The following RNF32 variants were observed in gnomAD, a reference collection of about 807,000 sequenced individuals.
The protein encoded by RNF32 is ring finger protein 32.
In RNF32, 36 loss-of-function variants were observed where a neutral mutation model predicts 41.0. That is an observed-to-expected ratio of 0.88 (90% CI 0.67 to 1.16). The LOEUF (loss-of-function observed/expected upper bound fraction) is 1.16, where lower values mean the gene tolerates loss of function less well. Among genes scored for constraint, RNF32 ranks in the 50% most tolerant of loss-of-function variants. The pLI is 0.00. For missense variants in RNF32, 413 were observed against 436.7 expected (o/e 0.95, Z 0.48); for synonymous variants, 154 against 160.9 (o/e 0.96, Z 0.32).
At chr7:156,650,478 T>C (rs748481148) in intron 3 of RNF32, among the ~76,000 whole-genome samples, 8 of 152,230 alleles carry the variant, frequency 5.3e-5, no homozygotes, top group Non-Finnish European at 7.3e-5. Context: ...AGATGGGTGC[T>C]GGACGTGCTA....
intron 7 of RNF32, among the ~76,000 whole-genome samples, chr7:156,663,796 T>C (rs1016400463): frequency 3.9e-5 from 6 of 152,212 alleles, no homozygotes; most frequent in African/African-American, 1.2e-4. Flanking sequence ...AAAGAAGGTA[T>C]TTCAGACCAG....
intron 7 of RNF32, among the ~76,000 whole-genome samples, chr7:156,662,611 G>A (rs79230578): frequency 0.021 from 3,157 of 151,886 alleles, 101 homozygotes; most frequent in African/African-American, 0.072. Flanking sequence ...GACCTGGGAC[G>A]TTGGTTTTCT....
intron 7 of RNF32, chr7:156,659,873 A>G: frequency 1.0e-6 from 1 of 983,550 alleles, no homozygotes; most frequent in Non-Finnish European, 1.2e-6. Flanking sequence ...AAAGGAAACG[A>G]AAAATAACAA....
intron 7 of RNF32, among the ~76,000 whole-genome samples, chr7:156,660,790 G>C (rs892411328): frequency 6.6e-6 from 1 of 152,222 alleles, no homozygotes; most frequent in Non-Finnish European, 1.5e-5. Flanking sequence ...CCACTCTCAA[G>C]GAGTCCTGAG....
At chr7:156,645,507 C>T (rs901437607) in intron 3 of RNF32, among the ~76,000 whole-genome samples, 2 of 152,198 alleles carry the variant, frequency 1.3e-5, no homozygotes, top group Non-Finnish European at 2.9e-5. Flanking sequence ...AAATGAAGAC[C>T]TAGCAACTGT....
chr7:156,658,922 C>T, intron 7 of RNF32: 1 of 1,543,114 alleles, frequency 6.5e-7, no homozygotes, highest in Non-Finnish European at 8.7e-7. Flanking sequence ...TAAATGAAGA[C>T]ATCTGCTGCA....
rs2302149 is a variant in RNF32, at chr7:156,676,402, C to G, written c.853-17C>G. On this transcript the variant is annotated splice_polypyrimidine_tract_variant and intron_variant, in intron 8 of 8. Coordinates refer to ENST00000317955, the MANE Select transcript of RNF32 (RefSeq NM_030936.4). Reference sequence around the variant, plus strand: ...GAAACTAACCCGCGTGGCCTCTTCCCGTCCTGTGTGCCGCAGGCTCTGCGC... The same window carrying G: ...GAAACTAACCCGCGTGGCCTCTTCCGGTCCTGTGTGCCGCAGGCTCTGCGC... The G allele has an allele frequency of 6.2e-7, 1 of 1,613,746 alleles. No homozygotes were observed. Among genetic ancestry groups the G allele is most frequent in the South Asian group, 1.1e-5 (1 of 91,090 alleles).
chr7:156,660,935 G>A (rs926053833), intron 7 of RNF32, among the ~76,000 whole-genome samples: 8 of 152,222 alleles, frequency 5.3e-5, no homozygotes, highest in Non-Finnish European at 1.2e-4. Context: ...ATCTTGAAGT[G>A]GGGGTTTACA....
At chr7:156,675,132 G>A (rs1332900765) in intron 7 of RNF32, among the ~76,000 whole-genome samples, 1 of 152,092 alleles carries the variant, frequency 6.6e-6, no homozygotes, top group Non-Finnish European at 1.5e-5. Flanking sequence ...AAGAGGCAGC[G>A]GCGACCCGAA....
intron 7 of RNF32, among the ~76,000 whole-genome samples, chr7:156,675,277 G>C (rs1803598080): frequency 6.6e-6 from 1 of 152,236 alleles, no homozygotes; most frequent in South Asian, 2.1e-4. Flanking sequence ...CCACGGCAAG[G>C]CCTGTGTGCT....
intron 7 of RNF32, among the ~76,000 whole-genome samples, chr7:156,665,166 T>C (rs994630252): frequency 2.6e-5 from 4 of 152,120 alleles, no homozygotes; most frequent in Non-Finnish European, 5.9e-5. Context: ...TGTCTATAGG[T>C]TTCCTAGTAA....
At chr7:156,654,936 T>A (rs1799371725) in intron 4 of RNF32, 1 of 432,454 alleles carries the variant, frequency 2.3e-6, no homozygotes, top group Admixed American at 3.6e-5. Flanking sequence ...TATTCTCAAG[T>A]ACTAAAGTTT....
intron 3 of RNF32, among the ~76,000 whole-genome samples, chr7:156,647,153 G>GTT (rs199715726): frequency 6.0e-5 from 9 of 151,050 alleles, no homozygotes; most frequent in Admixed American, 2.0e-4. Context: ...TGCCTGGCCT[G>GTT]TTTTTTTTTA....
At chr7:156,651,449 G>C (rs1018261750) in intron 3 of RNF32, among the ~76,000 whole-genome samples, 10 of 151,954 alleles carry the variant, frequency 6.6e-5, no homozygotes, top group Non-Finnish European at 1.2e-4. Flanking sequence ...CCTGACTTCA[G>C]GTGATCCACC....
chr7:156,663,996 T>C lies in RNF32; in HGVS notation c.684+5426T>C, dbSNP rs557046869. ...TTCCTGGGTGCCTGCTCTCTGCCTGTGCTTTGTTAGTCAGGGGAGATAACG... is the reference window on the plus strand; with the variant it reads ...TTCCTGGGTGCCTGCTCTCTGCCTGCGCTTTGTTAGTCAGGGGAGATAACG... On this transcript the variant is annotated intron_variant, in intron 7 of 8. Transcript: ENST00000317955. Among the ~76,000 whole-genome samples the C allele has an allele frequency of 4.6e-5, 7 of 152,348 alleles. No individual in the cohort carries two copies. In the South Asian group the frequency reaches 1.4e-3, roughly 32 times the overall value.
rs559676796 is a variant in RNF32, at chr7:156,676,337, C to T, written c.853-82C>T. The T allele has an allele frequency of 1.9e-5, 31 of 1,613,278 alleles. No homozygotes were observed. The South Asian group carries it at 3.1e-4, about 16-fold the overall frequency. ...TTTCGAAGACCCATGTCTCGGGGCA[C>T]ATGGTTCGCATTTCAGTTTAAGTAA... On this transcript the variant is annotated intron_variant, in intron 8 of 8. Coordinates refer to ENST00000317955, the MANE Select transcript of RNF32 (RefSeq NM_030936.4).
At chr7:156,660,181 T>C (rs1800416739) in intron 7 of RNF32, 1 of 985,644 alleles carries the variant, frequency 1.0e-6, no homozygotes. Flanking sequence ...CGCCCCCGCA[T>C]GTCCTGCCCG....
At position 156,675,734 on chromosome 7, in the gene RNF32, C is replaced by T. The variant is rs1214866550; in HGVS notation, c.723C>T (p.Asn241=). ...GCCACCGCATCCTGTGCTCATACAA[C>T]ACCAACATTGAAGAGCTCTTTGCAG... ...EISHRILCSY[N]TNIEELFAEI... The change falls in exon 8 of 9, where the codon AAC becomes AAT. Residue 241 remains asparagine, a synonymous_variant. Transcript: ENST00000317955. 1 of 1,612,714 alleles carries T rather than the reference C, an allele frequency of 6.2e-7. No individual in the cohort carries two copies. The highest frequency in any genetic ancestry group is 8.5e-7 in the Non-Finnish European group (1 of 1,179,092).
At chr7:156,657,835 T>C in intron 5 of RNF32, 1 of 598,588 alleles carries the variant, frequency 1.7e-6, no homozygotes, top group Non-Finnish European at 3.0e-6. Context: ...TAAATTCACA[T>C]GATCGATCTG....
Sources: gnomAD v4.1 joint callset for allele counts (sites outside exome capture counted in the v4.1 genomes callset) on GRCh38, gnomAD v4.1.1 for gene constraint, MANE v1.5 for transcripts, NCBI Gene and HGNC (gene_info 2026-07-23, HGNC 2026-07-21) for gene names.